The following C12orf42 variants were observed in gnomAD, a reference collection of about 807,000 sequenced individuals.
C12orf42 encodes the protein uncharacterized protein C12orf42.
In C12orf42, 25 loss-of-function variants were observed where a neutral mutation model predicts 21.6. That is an observed-to-expected ratio of 1.16 (90% CI 0.84 to 1.62). The LOEUF (loss-of-function observed/expected upper bound fraction) is 1.62, where lower values mean the gene tolerates loss of function less well. Ranked by LOEUF, C12orf42 falls within the 40% of genes most tolerant of loss-of-function variation. The pLI is 0.00. For missense variants in C12orf42, 483 were observed against 459.3 expected (o/e 1.05, Z -0.47); for synonymous variants, 174 against 175.0 (o/e 0.99, Z 0.05).
the C12orf42 span, among the ~76,000 whole-genome samples, chr12:103,187,833 A>G: frequency 6.6e-6 from 1 of 152,192 alleles, no homozygotes; most frequent in Non-Finnish European, 1.5e-5. Flanking sequence ...CTTTAATGGC[A>G]CTGGTCACCA....
the C12orf42 span, among the ~76,000 whole-genome samples, chr12:103,115,070 C>T: frequency 1.9e-4 from 29 of 152,308 alleles, no homozygotes; most frequent in South Asian, 4.8e-3. Flanking sequence ...ACTGTAAAAA[C>T]GGCATTGAGT....
chr12:103,120,203 A>T, the C12orf42 span, among the ~76,000 whole-genome samples: 2 of 152,206 alleles, frequency 1.3e-5, no homozygotes, highest in Non-Finnish European at 2.9e-5. Flanking sequence ...CAAGGGACAG[A>T]TAAGGAGTGT....
intron 2 of C12orf42, among the ~76,000 whole-genome samples, chr12:103,430,791 G>A (rs1950208830): frequency 6.6e-6 from 1 of 152,142 alleles, no homozygotes; most frequent in Admixed American, 6.5e-5. Flanking sequence ...CCACAAAAAG[G>A]AATGAGATTG....
In C12orf42 at chr12:103,276,843, C is replaced by A. The variant is rs1055127360; in HGVS notation, n.398+307G>T. ...GTTTTCATAGTTGTTTTTGATTTAG[C>A]CCTCCTCATCATCCTCCTTCTAGAA... On this transcript the variant is annotated intron_variant and non_coding_transcript_variant, in intron 5 of 6. Coordinates refer to the C12orf42 transcript ENST00000546526. Among the ~76,000 whole-genome samples, 4 of 152,046 alleles carry A rather than the reference C, an allele frequency of 2.6e-5. No individual in the cohort carries two copies. The East Asian group carries it at 5.8e-4, about 22-fold the overall frequency.
At chr12:103,092,730 T>G in the C12orf42 span, among the ~76,000 whole-genome samples, 1 of 152,236 alleles carries the variant, frequency 6.6e-6, no homozygotes, top group Admixed American at 6.5e-5. Flanking sequence ...ACAGCATTTG[T>G]TAAGGACTGT....
chr12:103,379,519 A>T (rs891902247), intron 3 of C12orf42, among the ~76,000 whole-genome samples: 1 of 152,242 alleles, frequency 6.6e-6, no homozygotes, highest in Admixed American at 6.5e-5. Context: ...ATTGATAGAT[A>T]TATTACTAGA....
chr12:103,256,103 TATATATATACACACACACAC>T (rs1274271218), intron 10 of C12orf42, among the ~76,000 whole-genome samples: 3 of 57,198 alleles, frequency 5.2e-5, no homozygotes, highest in African/African-American at 7.3e-5. Context: ...TATATATATA[TATATATATACACACACACAC>T]ACACACACAC....
At chr12:103,319,930 A>G (rs1287987906) in intron 4 of C12orf42, among the ~76,000 whole-genome samples, 1 of 152,224 alleles carries the variant, frequency 6.6e-6, no homozygotes, top group African/African-American at 2.4e-5. Context: ...CAGAGGGCAT[A>G]TTGGCAAAGC....
At chr12:103,364,003 A>T (rs781617430) in intron 4 of C12orf42, among the ~76,000 whole-genome samples, 5 of 152,140 alleles carry the variant, frequency 3.3e-5, no homozygotes, top group Non-Finnish European at 7.4e-5. Context: ...GACTTAACAG[A>T]TATTTACAGA....
At chr12:103,515,293 T>C in the C12orf42 span, among the ~76,000 whole-genome samples, 1 of 152,294 alleles carries the variant, frequency 6.6e-6, no homozygotes, top group South Asian at 2.1e-4. Context: ...AACAACTTCT[T>C]GAGGTAAAAA....
intron 3 of C12orf42, among the ~76,000 whole-genome samples, chr12:103,385,275 T>C (rs1314188795): frequency 1.3e-5 from 2 of 152,358 alleles, no homozygotes; most frequent in East Asian, 3.9e-4. Flanking sequence ...ACTTCATGTT[T>C]TTAGCAAACA....
intron 4 of C12orf42, among the ~76,000 whole-genome samples, chr12:103,332,967 G>A (rs1395145380): frequency 6.6e-6 from 1 of 152,128 alleles, no homozygotes; most frequent in Non-Finnish European, 1.5e-5. Flanking sequence ...ATAAGTCGAA[G>A]GCTTAGCAGA....
intron 4 of C12orf42, among the ~76,000 whole-genome samples, chr12:103,359,041 T>A (rs1189401573): frequency 3.3e-5 from 5 of 152,068 alleles, no homozygotes; most frequent in Non-Finnish European, 7.4e-5. Context: ...CTGGCCACAC[T>A]GGTCTCTTTT....
At chr12:103,184,959 C>T in the C12orf42 span, among the ~76,000 whole-genome samples, 1 of 152,032 alleles carries the variant, frequency 6.6e-6, no homozygotes, top group Non-Finnish European at 1.5e-5. Context: ...AGGAGAGTGG[C>T]TTCAGAAGAA....
chr12:103,138,350 T>C, the C12orf42 span, among the ~76,000 whole-genome samples: 2 of 152,184 alleles, frequency 1.3e-5, no homozygotes, highest in Non-Finnish European at 2.9e-5. Flanking sequence ...CTTGTGATAG[T>C]GAGTGAGTTC....
At chr12:103,326,957 A>C (rs945166599) in intron 4 of C12orf42, among the ~76,000 whole-genome samples, 3 of 152,254 alleles carry the variant, frequency 2.0e-5, no homozygotes, top group Admixed American at 6.5e-5. Context: ...GCATATTAAA[A>C]GCACTCAATA....
the C12orf42 span, among the ~76,000 whole-genome samples, chr12:103,147,840 T>C: frequency 6.6e-6 from 1 of 152,074 alleles, no homozygotes; most frequent in Admixed American, 6.6e-5. Context: ...GGAGAAAAGA[T>C]TGCAGAGAAA....
At chr12:103,549,608 A>G in the C12orf42 span, 4 of 152,344 alleles carry the variant, frequency 2.6e-5, no homozygotes, top group African/African-American at 9.6e-5. Flanking sequence ...GTAAGGGAAG[A>G]AGAATTTATC....
chr12:103,547,315 T>C, the C12orf42 span, among the ~76,000 whole-genome samples: 1 of 152,222 alleles, frequency 6.6e-6, no homozygotes, highest in Non-Finnish European at 1.5e-5. Context: ...AGCTAATGCA[T>C]TGAACAGCTC....
Sources: allele counts gnomAD v4.1 joint callset (sites outside exome capture counted in the v4.1 genomes callset), GRCh38; gene constraint gnomAD v4.1.1; transcripts MANE v1.5; gene names NCBI Gene and HGNC (gene_info 2026-07-23, HGNC 2026-07-21).